The following EFTUD2 variants were observed in gnomAD, a reference collection of about 807,000 sequenced individuals.
EFTUD2 encodes elongation factor Tu GTP binding domain containing 2.
EFTUD2 carries 9 observed loss-of-function variants against 114.3 expected under a neutral mutation model. The observed-to-expected ratio is 0.08, with a 90% CI of 0.05 to 0.14. The LOEUF (loss-of-function observed/expected upper bound fraction) is 0.14. Among genes scored for constraint, EFTUD2 ranks in the 10% least tolerant of loss-of-function variants. EFTUD2 has a pLI of 1.00. For missense variants in EFTUD2, 765 were observed against 1,241.2 expected, an observed-to-expected ratio of 0.62 and a Z score of 5.76; for synonymous variants, 449 against 462.3, an observed-to-expected ratio of 0.97 and a Z score of 0.37.
chr17:44,891,509 T>G (rs1360505980), intron 2 of EFTUD2, among the ~76,000 whole-genome samples: 1 of 152,122 alleles, frequency 6.6e-6, no homozygotes, highest in Non-Finnish European at 1.5e-5. Flanking sequence ...ACCACCATGC[T>G]TGGCTAATTT....
chr17:44,860,142 A>G, intron 17 of EFTUD2, 97 bp from the exon 18 acceptor site: 1 of 1,553,234 alleles, frequency 6.4e-7, no homozygotes, highest in Non-Finnish European at 8.8e-7. Context: ...TTAGGATCAG[A>G]CTATGTATTC....
Position 44,864,926 on chromosome 17 carries a change from T to C in EFTUD2, c.1285+4A>G. Reference sequence around the variant, plus strand: ...GAGTTAAGGGGCCACGAGCACATTATTACCTGTGAACTCGCCAAAGAACTT... The same window carrying C: ...GAGTTAAGGGGCCACGAGCACATTACTACCTGTGAACTCGCCAAAGAACTT... On this transcript the variant is annotated splice_donor_region_variant and intron_variant, in intron 14 of 27. Coordinates refer to ENST00000426333, the MANE Select transcript of EFTUD2 (RefSeq NM_004247.4). 4.3e-6 allele frequency: 7 copies of C among 1,614,094 alleles called. No individual in the cohort carries two copies. The highest frequency in any genetic ancestry group is 5.9e-6 in the Non-Finnish European group (7 of 1,179,988).
rs758339264 is a variant in EFTUD2 at position 44,851,372 on chromosome 17, G to A, written c.2824-3C>T. ...ATGCTCACATCTTCACTGAGGCCCT[G>A]CAGGGAATGGGGCAAATATAAGAAA... is the stretch of plus-strand genomic sequence containing the variant. On this transcript the variant is annotated splice_polypyrimidine_tract_variant and splice_region_variant and intron_variant, in intron 27 of 27. Transcript: ENST00000426333. The A allele has an allele frequency of 1.2e-5, 20 of 1,611,510 alleles. No individual in the cohort carries two copies. In the East Asian group the frequency reaches 4.0e-4, roughly 32 times the overall value.
chr17:44,888,247 G>C (rs933095240), intron 2 of EFTUD2, among the ~76,000 whole-genome samples: 6 of 152,174 alleles, frequency 3.9e-5, no homozygotes, highest in African/African-American at 1.4e-4. Flanking sequence ...CTTCTGGACC[G>C]CTCTAAGAAT....
At chr17:44,877,341 GA>G (rs1185499978) in intron 9 of EFTUD2, among the ~76,000 whole-genome samples, 2 of 152,214 alleles carry the variant, frequency 1.3e-5, no homozygotes, top group African/African-American at 4.8e-5. Flanking sequence ...AAAGATGATG[GA>G]ATCAGCCTGA....
intron 15 of EFTUD2, 107 bp from the exon 16 acceptor site, chr17:44,863,013 G>C: frequency 3.3e-6 from 3 of 899,326 alleles, no homozygotes; most frequent in Middle Eastern, 2.3e-4. Context: ...TGAGGAGCTA[G>C]AGAAAGATGA....
intron 10 of EFTUD2, chr17:44,872,953 A>G (rs1219397504): frequency 6.5e-6 from 1 of 153,912 alleles, no homozygotes; most frequent in Non-Finnish European, 1.4e-5. Context: ...CATAAACATC[A>G]TTTAAAAAAG....
At chr17:44,856,966 G>T in intron 20 of EFTUD2, 109 bp downstream of exon 20, 1 of 886,440 alleles carries the variant, frequency 1.1e-6, no homozygotes, top group Non-Finnish European at 1.9e-6. Flanking sequence ...ATTCTGAGCT[G>T]TAGAGGTCTC....
At chr17:44,857,285 C>A (rs1368828044) in intron 19 of EFTUD2, 128 bp from the exon 20 acceptor site, 3 of 729,644 alleles carry the variant, frequency 4.1e-6, no homozygotes, top group African/African-American at 3.5e-5. Context: ...TTAATCAGCA[C>A]AAGTGATAAG....
At chr17:44,878,837 AATG>A (rs1303087670) in intron 9 of EFTUD2, among the ~76,000 whole-genome samples, 1 of 152,208 alleles carries the variant, frequency 6.6e-6, no homozygotes, top group Non-Finnish European at 1.5e-5. Context: ...CTGTCTCACC[AATG>A]ATAACACGAA....
At chr17:44,872,613 G>T in intron 10 of EFTUD2, 43 bp from the exon 11 acceptor site, 1 of 1,546,390 alleles carries the variant, frequency 6.5e-7, no homozygotes. Flanking sequence ...GGCTGCAGCA[G>T]CCCGGACGCA....
intron 13 of EFTUD2, chr17:44,865,373 C>G (rs752682842): frequency 2.9e-5 from 8 of 278,882 alleles, no homozygotes; most frequent in Non-Finnish European, 4.7e-5. Context: ...TCAGAAACTC[C>G]CTCACCTATT....
intron 6 of EFTUD2, 100 bp from the exon 7 acceptor site, chr17:44,881,822 T>C: frequency 8.9e-7 from 1 of 1,129,428 alleles, no homozygotes; most frequent in South Asian, 1.3e-5. Context: ...CTCAAGGGTT[T>C]CTTTGAGATT....
chr17:44,865,140 C>T (rs527259340), intron 13 of EFTUD2, 75 bp from the exon 14 acceptor site: 1 of 1,568,460 alleles, frequency 6.4e-7, no homozygotes, highest in East Asian at 2.3e-5. Context: ...AAGGGAAGTC[C>T]AAAGAAATAT....
Position 44,854,159 on chromosome 17 carries a change from C to A in EFTUD2, c.2347+110G>T. The A allele has an allele frequency of 7.0e-7, 1 of 1,422,868 alleles. No homozygotes were observed. The highest frequency in any genetic ancestry group is 2.3e-5 in the East Asian group (1 of 43,140). The allele number at this position is 1,422,868 out of a possible 1,614,324, so 88.1% of individuals were successfully genotyped here. On this transcript the variant is annotated intron_variant, in intron 23 of 27. Transcript: ENST00000426333. This position sits in a 1 kb window ranked among gnomAD's most constrained non-coding sequence, Gnocchi z 4.3. ...CCAGGACTTGGGATGGTCCTGTGTACCCCAAGCTGCTTCTCCTGCCGAATC... is the reference window on the plus strand; with the variant it reads ...CCAGGACTTGGGATGGTCCTGTGTAACCCAAGCTGCTTCTCCTGCCGAATC...
chr17:44,883,094 T>C lies in EFTUD2; in HGVS notation c.491A>G (p.Asp164Gly). Residue 164 changes from aspartate to glycine, a missense_variant and splice_region_variant, in exon 6 of 28, where the codon GAT (aspartate) becomes GGT (glycine). Coordinates refer to ENST00000426333, the MANE Select transcript of EFTUD2 (RefSeq NM_004247.4). ...ACCCTCAACAGAAGTTCTACTTACA[T>C]CTTGGTCATAGCGCTTTCTGATTTC... is the stretch of plus-strand genomic sequence containing the variant. Reference protein sequence around the residue: ...HPEIRKRYDQDLCYTDILFTE... With the variant: ...HPEIRKRYDQGLCYTDILFTE... The C allele has an allele frequency of 6.2e-6, 10 of 1,614,154 alleles. No homozygotes were observed. Among genetic ancestry groups the C allele is most frequent in the Non-Finnish European group, 6.8e-6 (8 of 1,179,994 alleles).
At chr17:44,864,218 T>G (rs1367234332) in intron 14 of EFTUD2, among the ~76,000 whole-genome samples, 1 of 152,142 alleles carries the variant, frequency 6.6e-6, no homozygotes, top group African/African-American at 2.4e-5. Context: ...ATAAACCACA[T>G]AAGAGGGAAC....
At position 44,851,791 on chromosome 17, in the gene EFTUD2, C is replaced by T. The variant is rs747530494; in HGVS notation, c.2742G>A (p.Lys914=). 5.6e-6 allele frequency: 9 copies of T among 1,609,904 alleles called. No homozygotes were observed. The highest frequency in any genetic ancestry group is 8.5e-7 in the Non-Finnish European group (1 of 1,178,700). ...WQIVPGDPLD[K]SIVIRPLEPQ... is the part of the protein sequence containing the mutation. ...GCTCCAAGGGGCGGATGACAATGCT[C>T]TTGTCCAGGGGATCACCAGGCACAA... The change falls in exon 27 of 28, where the codon AAG becomes AAA. Residue 914 remains lysine (K), a synonymous_variant. Coordinates refer to ENST00000426333, the MANE Select transcript of EFTUD2 (RefSeq NM_004247.4).
In EFTUD2 at chr17:44,865,003, C is replaced by T. The variant is rs200389815; in HGVS notation, c.1212G>A (p.Thr404=). The T allele has an allele frequency of 2.8e-5, 46 of 1,614,068 alleles. No homozygotes were observed. The highest frequency in any genetic ancestry group is 8.9e-5 in the East Asian group (4 of 44,900). ...RTLDELGIHL[T]KEELKLNIRP... is the part of the protein sequence containing the mutation. ...GGATGTTCAGCTTCAGCTCCTCCTT[C>T]GTCAGGTGGATGCCAAGCTCGTCTA... The change falls in exon 14 of 28, where the codon ACG becomes ACA. Residue 404 remains threonine (T), a synonymous_variant. Transcript: ENST00000426333.
Sources: allele counts gnomAD v4.1 joint callset (sites outside exome capture counted in the v4.1 genomes callset), GRCh38; gene constraint gnomAD v4.1.1; non-coding constraint Gnocchi (gnomAD v3.1); transcripts MANE v1.5; gene names NCBI Gene and HGNC (gene_info 2026-07-23, HGNC 2026-07-21).